The following CCDC171 variants were observed in gnomAD, a reference collection of about 807,000 sequenced individuals.
CCDC171 encodes the protein coiled-coil domain-containing protein 171.
In CCDC171, 177 loss-of-function variants were observed where a neutral mutation model predicts 168.2. The ratio of observed to expected loss-of-function variants is 1.05; its 90% CI spans 0.93 to 1.19. The LOEUF (loss-of-function observed/expected upper bound fraction) is 1.19. Among genes scored for constraint, CCDC171 ranks in the 50% most tolerant of loss-of-function variants. The pLI is 0.00. For missense variants in CCDC171, 1,991 were observed against 1,539.0 expected (o/e 1.29, Z -4.91); for synonymous variants, 687 against 540.8 (o/e 1.27, Z -3.75).
chr9:15,608,071 G>A (rs1056467009), intron 6 of CCDC171, among the ~76,000 whole-genome samples: 1 of 152,178 alleles, frequency 6.6e-6, no homozygotes, highest in Non-Finnish European at 1.5e-5. Flanking sequence ...GGTGGGCTGA[G>A]TGTGCCAGCT....
At chr9:15,820,481 T>G (rs181776012) in intron 21 of CCDC171, among the ~76,000 whole-genome samples, 16 of 113,680 alleles carry the variant, frequency 1.4e-4, no homozygotes, top group South Asian at 2.9e-4. Flanking sequence ...ATCAAATAGA[T>G]GCAATAAAAA....
At chr9:15,886,309 G>A (rs1819385904) in intron 24 of CCDC171, 1 of 152,100 alleles carries the variant, frequency 6.6e-6, no homozygotes, top group Non-Finnish European at 1.5e-5. Context: ...ATGGGCAAAG[G>A]ACCTAAAAAG....
At chr9:16,038,473 T>C (rs1362243880), upstream of CCDC171, among the ~76,000 whole-genome samples, 1 of 152,140 alleles carries the variant, frequency 6.6e-6, no homozygotes, top group Non-Finnish European at 1.5e-5. Flanking sequence ...TAAGTAGAAA[T>C]GACATTTTGT....
intron 16 of CCDC171, among the ~76,000 whole-genome samples, chr9:15,739,860 C>T (rs1182737224): frequency 6.6e-6 from 1 of 151,954 alleles, no homozygotes; most frequent in Non-Finnish European, 1.5e-5. Context: ...GCCTCAGCCT[C>T]CTGAGTATCT....
At chr9:15,632,789 A>C (rs544908807) in intron 7 of CCDC171, among the ~76,000 whole-genome samples, 18 of 152,378 alleles carry the variant, frequency 1.2e-4, no homozygotes, top group Admixed American at 1.0e-3. Context: ...AGGCTACAGT[A>C]ACCAAAACAG....
chr9:16,021,743 A>C (rs1833169880), intron 4 of CCDC171, among the ~76,000 whole-genome samples: 1 of 152,196 alleles, frequency 6.6e-6, no homozygotes, highest in African/African-American at 2.4e-5. Flanking sequence ...CTAATAATGA[A>C]ATAATGTGAG....
intron 4 of CCDC171, chr9:15,587,837 G>T (rs1009084785): frequency 1.2e-5 from 3 of 252,070 alleles, no homozygotes; most frequent in African/African-American, 2.3e-5. Context: ...AGGCTCTGCA[G>T]GGAGAACATT....
At chr9:15,555,126 T>C (rs2038683400) in intron 1 of CCDC171, among the ~76,000 whole-genome samples, 1 of 152,120 alleles carries the variant, frequency 6.6e-6, no homozygotes, top group South Asian at 2.1e-4. Context: ...GGCTGGCACC[T>C]CCTCTCAGGA....
In CCDC171 at chr9:15,788,758, C is replaced by T. The variant is rs117949449; in HGVS notation, c.3267+4064C>T. On this transcript the variant is annotated intron_variant, in intron 21 of 25. Coordinates refer to ENST00000380701, the MANE Select transcript of CCDC171 (RefSeq NM_173550.4). ...GTAGAGATGGAAACTGCCTATGTTG[C>T]CCAGTCCTGGTCTCAAACTCCTGAG... is the stretch of plus-strand genomic sequence containing the variant. Among the ~76,000 whole-genome samples the T allele has an allele frequency of 4.6e-3, 706 of 152,042 alleles. 3 individuals are homozygous for T. Among genetic ancestry groups the T allele is most frequent in the Middle Eastern group, 0.044 (13 of 294 alleles).
chr9:15,701,852 C>T (rs937994705), intron 11 of CCDC171, among the ~76,000 whole-genome samples: 1 of 152,168 alleles, frequency 6.6e-6, no homozygotes, highest in Non-Finnish European at 1.5e-5. Context: ...GACTTACTCC[C>T]ATGTATCACA....
chr9:15,636,036 T>G (rs1017295393), intron 7 of CCDC171, among the ~76,000 whole-genome samples: 2 of 152,226 alleles, frequency 1.3e-5, no homozygotes, highest in Non-Finnish European at 2.9e-5. Context: ...TCTCTGATGA[T>G]TGATGATGTT....
At chr9:15,949,203 C>T (rs1475795883) in intron 25 of CCDC171, among the ~76,000 whole-genome samples, 2 of 152,022 alleles carry the variant, frequency 1.3e-5, no homozygotes, top group Non-Finnish European at 2.9e-5. Context: ...GGTACCAGTA[C>T]CATGCTGTTT....
intron 1 of CCDC171, among the ~76,000 whole-genome samples, chr9:16,054,068 C>A (rs374619607): frequency 1.3e-5 from 2 of 152,268 alleles, no homozygotes; most frequent in East Asian, 3.9e-4. Context: ...CCTTTTCTTC[C>A]GGGTTCAGCG....
At chr9:15,993,607 A>T (rs1416833307) in intron 3 of CCDC171, among the ~76,000 whole-genome samples, 6 of 152,208 alleles carry the variant, frequency 3.9e-5, no homozygotes, top group African/African-American at 1.4e-4. Context: ...ATCTAATTAA[A>T]CTGAAGAGCT....
In CCDC171 at chr9:15,922,012, T is replaced by TA. The variant is rs368612958; in HGVS notation, c.3753+1591dup. The TA allele has an allele frequency of 5.0e-3, 815 of 162,348 alleles. 9 individuals are homozygous for TA. The highest frequency in any genetic ancestry group is 0.018 in the African/African-American group (764 of 41,984). 10.1% of individuals were successfully genotyped at this position (162,348 alleles called of 1,614,324 possible). A position where few individuals can be genotyped will look rare whatever the true frequency, so the allele number is the denominator to read the frequency against. On this transcript the variant is annotated intron_variant, in intron 25 of 25. Transcript: ENST00000380701. Reference sequence around the variant, plus strand: ...GGTTCCAAAAATTTTTACCAATTGTTACGCTACTGATATCTTAATGAAAGT... The same window carrying TA: ...GGTTCCAAAAATTTTTACCAATTGTTAACGCTACTGATATCTTAATGAAAGT...
chr9:15,609,847 A>T (rs910194268), intron 6 of CCDC171, among the ~76,000 whole-genome samples: 1 of 152,120 alleles, frequency 6.6e-6, no homozygotes, highest in African/African-American at 2.4e-5. Flanking sequence ...GAGTTTCAGG[A>T]ATGGCTTATT....
At chr9:15,713,037 T>G (rs1290419368) in intron 11 of CCDC171, among the ~76,000 whole-genome samples, 1 of 152,200 alleles carries the variant, frequency 6.6e-6, no homozygotes, top group Non-Finnish European at 1.5e-5. Context: ...CCAGACAACC[T>G]TGTTACCAAT....
At chr9:15,682,613 A>G (rs2050113959) in intron 10 of CCDC171, among the ~76,000 whole-genome samples, 3 of 151,988 alleles carry the variant, frequency 2.0e-5, no homozygotes, top group African/African-American at 7.2e-5. Flanking sequence ...TTTTATATTA[A>G]TGAAATTACT....
At chr9:15,929,718 A>G (rs149646092) in intron 25 of CCDC171, among the ~76,000 whole-genome samples, 115 of 151,800 alleles carry the variant, frequency 7.6e-4, no homozygotes, top group Non-Finnish European at 2.9e-5. Flanking sequence ...TTTTTCTTCT[A>G]TTCACCCTGC....
Sources: allele counts gnomAD v4.1 joint callset (sites outside exome capture counted in the v4.1 genomes callset), GRCh38; gene constraint gnomAD v4.1.1; transcripts MANE v1.5; gene names NCBI Gene and HGNC (gene_info 2026-07-23, HGNC 2026-07-21).